Variants in ZNF746 observed in about 807,000 individuals in gnomAD.
ZNF746 encodes the protein parkin-interacting substrate.
Under a neutral mutation model 41.0 loss-of-function variants are expected in ZNF746, and 13 were observed. That is an observed-to-expected ratio of 0.32 (90% CI 0.21 to 0.50). The LOEUF (loss-of-function observed/expected upper bound fraction) is 0.50. Ranked by LOEUF, ZNF746 falls within the 20% of genes least tolerant of loss-of-function variation. ZNF746 has a pLI of 0.98. For synonymous variants in ZNF746, 424 were observed against 396.2 expected, an observed-to-expected ratio of 1.07 and a Z score of -0.83; for missense variants, 811 against 922.9, an observed-to-expected ratio of 0.88 and a Z score of 1.57.
chr7:149,497,139 G>GAA lies in ZNF746; in HGVS notation c.24+373_24+374insTT, dbSNP rs1372490907. 2 of 985,222 alleles carry GAA rather than the reference G, an allele frequency of 2.0e-6. No homozygotes were observed. The highest frequency in any genetic ancestry group is 2.4e-6 in the Non-Finnish European group (2 of 829,906). 61.0% of individuals were successfully genotyped at this position (985,222 alleles called of 1,614,324 possible). A position where few individuals can be genotyped will look rare whatever the true frequency, so the allele number is the denominator to read the frequency against. ...CTCCCAGGTGCCACCAGGCCGCTGC[G>GAA]GGGGAGATGGAGAGGGACCTACAGG... On this transcript the variant is annotated intron_variant, in intron 1 of 6. Coordinates refer to ENST00000458143, the MANE Select transcript of ZNF746 (RefSeq NM_001394198.1). The surrounding 1 kb of genome is among the most constrained non-coding windows in gnomAD (Gnocchi z 4.2).
rs558789502 is a variant in ZNF746, at chr7:149,496,834, C to G, written c.24+679G>C. ...CTTTCTGTTTTGCACGATTATTGCC[C>G]GCGTACCTGCCTGCCTGGTCCTTGA... On this transcript the variant is annotated intron_variant, in intron 1 of 6. Coordinates refer to ENST00000458143, the MANE Select transcript of ZNF746 (RefSeq NM_001394198.1). 39 of 985,410 alleles carry G rather than the reference C, an allele frequency of 4.0e-5. No individual in the cohort carries two copies. In the African/African-American group the frequency reaches 6.5e-4, roughly 16 times the overall value. 61.0% of individuals were successfully genotyped at this position (985,410 alleles called of 1,614,324 possible). A position where few individuals can be genotyped will look rare whatever the true frequency, so the allele number is the denominator to read the frequency against.
intron 4 of ZNF746, chr7:149,491,824 G>A: frequency 1.4e-6 from 1 of 699,994 alleles, no homozygotes. Flanking sequence ...TTGCAGAGAT[G>A]TGGTCTCCCT....
At chr7:149,480,423 T>TTTTGTTTGTTTG (rs59225315) in intron 4 of ZNF746, among the ~76,000 whole-genome samples, 3 of 151,294 alleles carry the variant, frequency 2.0e-5, no homozygotes, top group African/African-American at 7.3e-5. Context: ...ATAACTGTTG[T>TTTTGTTTGTTTG]TTTGTTTGTT....
At chr7:149,487,451 A>G (rs1047928136) in intron 4 of ZNF746, among the ~76,000 whole-genome samples, 4 of 152,264 alleles carry the variant, frequency 2.6e-5, no homozygotes, top group African/African-American at 7.2e-5. Context: ...GTCCACAGAC[A>G]GGATGCTACT....
intron 4 of ZNF746, among the ~76,000 whole-genome samples, chr7:149,482,547 C>A (rs986469854): frequency 4.0e-5 from 6 of 151,880 alleles, no homozygotes; most frequent in Admixed American, 3.9e-4. Flanking sequence ...TCACTACAAC[C>A]TCCACTTGCC....
chr7:149,477,097 G>A (rs1563249540), intron 5 of ZNF746, 50 bp from the exon 6 acceptor site: 8 of 1,564,944 alleles, frequency 5.1e-6, no homozygotes, highest in Non-Finnish European at 6.9e-6. Flanking sequence ...GGACGGGGAG[G>A]ACAGAAGACT....
In ZNF746 at chr7:149,474,271, G is replaced by T; in HGVS notation, c.*113C>A. On this transcript the variant is annotated 3_prime_UTR_variant, in exon 7 of 7. Coordinates refer to ENST00000458143, the MANE Select transcript of ZNF746 (RefSeq NM_001394198.1). The surrounding 1 kb of genome is among the most constrained non-coding windows in gnomAD (Gnocchi z 6.3). ...CCAGTGATCATCAGTTCAGCAACTTGGACATTTGGTTCTCCCCGTCCCGCG... is the reference window on the plus strand; with the variant it reads ...CCAGTGATCATCAGTTCAGCAACTTTGACATTTGGTTCTCCCCGTCCCGCG... 8.1e-7 allele frequency: 1 copy of T among 1,235,790 alleles called. No individual in the cohort carries two copies. The highest frequency in any genetic ancestry group is 1.1e-6 in the Non-Finnish European group (1 of 889,544). The allele number at this position is 1,235,790 out of a possible 1,614,324, so 76.6% of individuals were successfully genotyped here.
chr7:149,492,978 G>A lies in ZNF746; in HGVS notation c.452-6C>T, dbSNP rs1011836456. 1.2e-6 allele frequency: 2 copies of A among 1,605,102 alleles called. No homozygotes were observed. The highest frequency in any genetic ancestry group is 1.1e-5 in the South Asian group (1 of 90,750). ...GGGCTTGGAGATGGCGTAGTCTGAG[G>A]AAAGACAGAAGGTTAGTTTTTGCCA... On this transcript the variant is annotated splice_polypyrimidine_tract_variant and splice_region_variant and intron_variant, in intron 3 of 6. Transcript: ENST00000458143.
intron 4 of ZNF746, among the ~76,000 whole-genome samples, chr7:149,478,197 C>T (rs1179769830): frequency 6.6e-6 from 1 of 151,410 alleles, no homozygotes; most frequent in African/African-American, 2.4e-5. Context: ...GAGTCAATCA[C>T]GAGTTACAGT....
chr7:149,497,513 C>T lies in ZNF746; in HGVS notation c.24G>A (p.Pro8=). The T allele has an allele frequency of 9.1e-7, 1 of 1,103,806 alleles. No individual in the cohort carries two copies. The highest frequency in any genetic ancestry group is 1.1e-6 in the Non-Finnish European group (1 of 908,630). The allele number at this position is 1,103,806 out of a possible 1,614,324, so 68.4% of individuals were successfully genotyped here. The stretch of plus-strand genomic sequence containing the variant: ...CCCTGCGCGCGCGGGTCGCCCTTAC[C>T]GGAGCCGCGACCGCCTCGGCCATGG... MAEAVAA[P]ISPWTMAATI... Residue 8 remains proline, a splice_region_variant and synonymous_variant, in exon 1 of 7, where the codon CCG becomes CCA. Transcript: ENST00000458143. The surrounding 1 kb of genome is among the most constrained non-coding windows in gnomAD (Gnocchi z 4.2).
intron 4 of ZNF746, among the ~76,000 whole-genome samples, chr7:149,484,856 T>G (rs1585730945): frequency 1.3e-5 from 2 of 152,106 alleles, no homozygotes; most frequent in East Asian, 3.8e-4. Flanking sequence ...ACAACTACAT[T>G]TTTATATATT....
chr7:149,492,010 G>A (rs1428157780), intron 4 of ZNF746: 2 of 702,766 alleles, frequency 2.8e-6, no homozygotes, highest in African/African-American at 3.5e-5. Context: ...CAAACCATAA[G>A]GCTGACCAAT....
chr7:149,493,241 G>C (rs1800870969), intron 3 of ZNF746, among the ~76,000 whole-genome samples: 1 of 152,174 alleles, frequency 6.6e-6, no homozygotes, highest in Non-Finnish European at 1.5e-5. Flanking sequence ...CAATGCAGAG[G>C]ATGCCGCCGA....
In ZNF746 at chr7:149,494,098, A is replaced by G; in HGVS notation, c.342T>C (p.Asp114=). 1.9e-6 allele frequency: 3 copies of G among 1,614,124 alleles called. No individual in the cohort carries two copies. Among genetic ancestry groups the G allele is most frequent in the Non-Finnish European group, 2.5e-6 (3 of 1,180,024 alleles). Residue 114 remains aspartate (D), a synonymous_variant, in exon 3 of 7, where the codon GAT becomes GAC. Transcript: ENST00000458143. The surrounding 1 kb of genome is among the most constrained non-coding windows in gnomAD (Gnocchi z 5.6). Reference sequence around the variant, plus strand: ...GCTCGGAGAAATACACGGCCACATCATCAAAGGTCACGGGCACCTGGAACC... The same window carrying G: ...GCTCGGAGAAATACACGGCCACATCGTCAAAGGTCACGGGCACCTGGAACC... The part of the protein sequence containing the change: ...GESPKVPVTF[D]DVAVYFSEQE...
Position 149,476,940 on chromosome 7 carries a change from T to C in ZNF746, c.865A>G (p.Thr289Ala). ...CCTGTACCTTCCGTGGAGGCTGCTG[T>C]GTTGAGCTTCAGGGTCCCGTCCGAG... ...ACSDGTLKLN[T>A]AASTEADVKI... is the part of the protein sequence containing the mutation. The change falls in exon 6 of 7, where the codon ACA (threonine) becomes GCA (alanine). Residue 289 changes from threonine to alanine, a missense_variant. This residue lies in a region of ZNF746 where 495 missense variants were observed against 481.6 expected (regional missense o/e 1.03). Transcript: ENST00000458143. The C allele has an allele frequency of 6.2e-7, 1 of 1,613,932 alleles. No homozygotes were observed. The highest frequency in any genetic ancestry group is 1.7e-5 in the Admixed American group (1 of 60,008).
rs761470959 is a variant in ZNF746 at position 149,474,445 on chromosome 7, A to C, written c.1922T>G (p.Leu641Arg). 6 of 1,611,430 alleles carry C rather than the reference A, an allele frequency of 3.7e-6. No homozygotes were observed. Among genetic ancestry groups the C allele is most frequent in the Non-Finnish European group, 4.2e-6 (5 of 1,178,878 alleles). ...ASKGPLASTDLVTDWTCGLSV... is the reference protein window; with the variant it reads ...ASKGPLASTDRVTDWTCGLSV... ...GAGGCCACAAGTCCAGTCGGTCACAAGGTCTGTGGAGGCCAAAGGTCCTTT... is the reference window on the plus strand; with the variant it reads ...GAGGCCACAAGTCCAGTCGGTCACACGGTCTGTGGAGGCCAAAGGTCCTTT... The change falls in exon 7 of 7, where the codon CTT (leucine) becomes CGT (arginine). Residue 641 changes from leucine to arginine, a missense_variant. Physicochemically the swap from Leu to Arg is moderately radical, Grantham distance 102 (BLOSUM62 -2). This residue lies in a region of ZNF746 where 99 missense variants were observed against 80.3 expected (regional missense o/e 1.23). Coordinates refer to ENST00000458143, the MANE Select transcript of ZNF746 (RefSeq NM_001394198.1). The surrounding 1 kb of genome is among the most constrained non-coding windows in gnomAD (Gnocchi z 6.3).
In ZNF746 at chr7:149,474,588, G is replaced by C. The variant is rs760382197; in HGVS notation, c.1779C>G (p.Arg593=). 6.2e-7 allele frequency: 1 copy of C among 1,612,298 alleles called. No individual in the cohort carries two copies. Among genetic ancestry groups the C allele is most frequent in the East Asian group, 2.2e-5 (1 of 44,822 alleles). The change falls in exon 7 of 7, where the codon CGC becomes CGG. Residue 593 remains arginine, a synonymous_variant. Transcript: ENST00000458143. The surrounding 1 kb of genome is among the most constrained non-coding windows in gnomAD (Gnocchi z 6.3). ...GCTGGTGCTTGCGGAGGTGGTCCTT[G>C]CGGATGAAGCTTTTGCCGCAGACGG... ...TCTVCGKSFI[R]KDHLRKHQRN...
Position 149,497,627 on chromosome 7 carries a change from G to T in ZNF746, c.-91C>A. 2 of 959,284 alleles carry T rather than the reference G, an allele frequency of 2.1e-6. No homozygotes were observed. Among genetic ancestry groups the T allele is most frequent in the Non-Finnish European group, 2.5e-6 (2 of 800,538 alleles). The allele number at this position is 959,284 out of a possible 1,614,324, so 59.4% of individuals were successfully genotyped here. On this transcript the variant is annotated 5_prime_UTR_variant, in exon 1 of 7. Transcript: ENST00000458143. The surrounding 1 kb of genome is among the most constrained non-coding windows in gnomAD (Gnocchi z 4.2). ...CAGGCCCGGCCGCCCGGTGCTCTCC[G>T]CAGGCGGCGCCTGCCTGGCCTTTCC...
In ZNF746 at chr7:149,474,944, C is replaced by T; in HGVS notation, c.1423G>A (p.Gly475Arg). Residue 475 changes from glycine to arginine, a missense_variant, in exon 7 of 7, where the codon GGG becomes AGG. Around this residue, in one of 4 missense-constraint regions of ZNF746, gnomAD observed 495 missense variants for 481.6 expected, o/e 1.03. Coordinates refer to ENST00000458143, the MANE Select transcript of ZNF746 (RefSeq NM_001394198.1). The surrounding 1 kb of genome is among the most constrained non-coding windows in gnomAD (Gnocchi z 6.3). ...CTGACTTGCAGCTGGAAGCTCTTCC[C>T]ACACGTGGCGCAGGTGAAGGGCCGG... ...GGRPFTCATC[G>R]KSFQLQVSLS... 1 of 1,545,626 alleles carries T rather than the reference C, an allele frequency of 6.5e-7. No individual in the cohort carries two copies. The highest frequency in any genetic ancestry group is 8.7e-7 in the Non-Finnish European group (1 of 1,146,658).
Sources: gnomAD v4.1 joint callset for allele counts (sites outside exome capture counted in the v4.1 genomes callset) on GRCh38, gnomAD v4.1.1 for gene constraint, gnomAD v4.1.1 regional missense constraint, Gnocchi (gnomAD v3.1) non-coding constraint, MANE v1.5 for transcripts, NCBI Gene and HGNC (gene_info 2026-07-23, HGNC 2026-07-21) for gene names.